CTNNA3: variants seen among roughly 807,000 people sequenced by gnomAD.
CTNNA3 encodes the protein catenin alpha-3.
In CTNNA3, 76 loss-of-function variants were observed where a neutral mutation model predicts 95.7. The ratio of observed to expected loss-of-function variants is 0.79; its 90% CI spans 0.66 to 0.96. The LOEUF is 0.96. Among genes scored for constraint, CTNNA3 ranks in the 40% least tolerant of loss-of-function variants. CTNNA3 has a pLI of 0.00. For missense variants in CTNNA3, 1,191 were observed against 1,089.8 expected (o/e 1.09, Z -1.31); for synonymous variants, 431 against 374.4 (o/e 1.15, Z -1.74).
chr10:66,674,955 C>T (rs540486225), intron 9 of CTNNA3, among the ~76,000 whole-genome samples: 4 of 152,060 alleles, frequency 2.6e-5, no homozygotes, highest in Non-Finnish European at 5.9e-5. Flanking sequence ...TTTAGAATGC[C>T]GATGACACCA....
At position 67,757,224 on chromosome 10, in the gene CTNNA3, T is replaced by G. The variant is rs1841438035; in HGVS notation, c.-2+6210A>C. On this transcript the variant is annotated intron_variant, in intron 1 of 17. Transcript: ENST00000684154. ...CAAACTATCCCTAAACATGGCAGCTTTAAACAATAAATATTTAGCAAATAT... is the reference window on the plus strand; with the variant it reads ...CAAACTATCCCTAAACATGGCAGCTGTAAACAATAAATATTTAGCAAATAT... 2.6e-5 allele frequency among the ~76,000 whole-genome samples: 4 copies of G among 152,346 alleles called. No homozygotes were observed. In the South Asian group the frequency reaches 8.3e-4, roughly 32 times the overall value.
chr10:66,465,016 A>G (rs1351123813), intron 11 of CTNNA3, among the ~76,000 whole-genome samples: 2 of 152,176 alleles, frequency 1.3e-5, no homozygotes, highest in Non-Finnish European at 2.9e-5. Context: ...GAGTAAATGA[A>G]ATAGGGTGCG....
At chr10:65,932,834 T>G (rs926305132) in intron 17 of CTNNA3, among the ~76,000 whole-genome samples, 1 of 152,108 alleles carries the variant, frequency 6.6e-6, no homozygotes, top group African/African-American at 2.4e-5. Context: ...CCCCACTTGG[T>G]TTTTCTGAAT....
chr10:67,530,299 G>A (rs1410470911), intron 4 of CTNNA3, among the ~76,000 whole-genome samples: 1 of 152,254 alleles, frequency 6.6e-6, no homozygotes, highest in African/African-American at 2.4e-5. Context: ...GAAAATGTGG[G>A]AAGGTCTGGA....
chr10:67,640,059 A>T (rs1456751613), intron 2 of CTNNA3, among the ~76,000 whole-genome samples: 2 of 152,256 alleles, frequency 1.3e-5, no homozygotes, highest in African/African-American at 4.8e-5. Flanking sequence ...ACAGGAAGTC[A>T]AACTGTCCCT....
At chr10:66,175,258 T>A (rs1354497766) in intron 13 of CTNNA3, among the ~76,000 whole-genome samples, 1 of 152,046 alleles carries the variant, frequency 6.6e-6, no homozygotes, top group Non-Finnish European at 1.5e-5. Context: ...TCCTTCTAGA[T>A]CTTGCAAGGA....
intron 5 of CTNNA3, among the ~76,000 whole-genome samples, chr10:67,343,001 A>T (rs1250403540): frequency 1.3e-5 from 2 of 152,062 alleles, no homozygotes; most frequent in East Asian, 3.9e-4. Context: ...CACCCAGGCT[A>T]GAGTACAGTG....
At chr10:67,070,016 C>T (rs1462235989) in intron 7 of CTNNA3, among the ~76,000 whole-genome samples, 1 of 152,200 alleles carries the variant, frequency 6.6e-6, no homozygotes, top group African/African-American at 2.4e-5. Context: ...CACCCACTAG[C>T]AGACCATGAG....
intron 7 of CTNNA3, among the ~76,000 whole-genome samples, chr10:66,908,975 T>G (rs1224133835): frequency 6.6e-6 from 1 of 152,214 alleles, no homozygotes; most frequent in African/African-American, 2.4e-5. Context: ...GTCATTTAAA[T>G]GAGGCTTCTT....
intron 5 of CTNNA3, among the ~76,000 whole-genome samples, chr10:67,255,822 A>G (rs1866327383): frequency 6.6e-6 from 1 of 152,160 alleles, no homozygotes; most frequent in South Asian, 2.1e-4. Context: ...TATTGTGCTC[A>G]TTACATAAAT....
Position 66,112,781 on chromosome 10 carries a change from TGTC to T in CTNNA3, c.1885-9535_1885-9533del, listed in dbSNP as rs1353161422. On this transcript the variant is annotated intron_variant, in intron 13 of 17. Transcript: ENST00000433211. ...GAATAATGTCCCCAAGGTTCACACT[TGTC>T]GTTGCATATGACTGATCTCCTTTTT... 4.0e-5 allele frequency among the ~76,000 whole-genome samples: 6 copies of T among 151,600 alleles called. No individual in the cohort carries two copies. The East Asian group carries it at 9.6e-4, about 24-fold the overall frequency.
intron 13 of CTNNA3, among the ~76,000 whole-genome samples, chr10:66,229,040 G>A (rs2089458725): frequency 6.6e-6 from 1 of 152,084 alleles, no homozygotes; most frequent in Admixed American, 6.5e-5. Flanking sequence ...GGTAAAGTGA[G>A]CTTCTTGTAT....
chr10:66,519,731 G>A (rs1361906241), intron 11 of CTNNA3, among the ~76,000 whole-genome samples: 1 of 152,068 alleles, frequency 6.6e-6, no homozygotes, highest in Admixed American at 6.6e-5. Flanking sequence ...TATGTTGATT[G>A]ATGTCTCATG....
chr10:66,982,077 T>C (rs942788), intron 7 of CTNNA3, among the ~76,000 whole-genome samples: 128,574 of 152,150 alleles, frequency 0.85, 54,659 homozygotes, highest in East Asian at 1. Context: ...ATTAGATAGA[T>C]GAGAATTCCA....
At chr10:66,713,560 A>G (rs1366772367) in intron 9 of CTNNA3, among the ~76,000 whole-genome samples, 1 of 152,084 alleles carries the variant, frequency 6.6e-6, no homozygotes, top group Non-Finnish European at 1.5e-5. Flanking sequence ...CTACTAATAG[A>G]TTATATCCTG....
intron 12 of CTNNA3, among the ~76,000 whole-genome samples, chr10:66,301,597 C>A (rs1281848230): frequency 1.3e-5 from 2 of 151,792 alleles, no homozygotes; most frequent in African/African-American, 4.8e-5. Flanking sequence ...TATAATCCAT[C>A]ATATCATTAG....
rs980849902 is a variant in CTNNA3 at position 66,652,654 on chromosome 10, C to G, written c.1282-30870G>C. ...ACTAATTTCATGAGGTTAGCATTAC[C>G]ACCATACCAAATCCATAAAAGGACA... On this transcript the variant is annotated intron_variant, in intron 9 of 17. Transcript: ENST00000433211. Among the ~76,000 whole-genome samples, 16 of 152,060 alleles carry G rather than the reference C, an allele frequency of 1.1e-4. 1 individual carries two copies. The highest frequency in any genetic ancestry group is 4.1e-4 in the South Asian group (2 of 4,820).
At chr10:66,689,702 T>C (rs1488817380) in intron 9 of CTNNA3, among the ~76,000 whole-genome samples, 2 of 152,154 alleles carry the variant, frequency 1.3e-5, no homozygotes, top group South Asian at 2.1e-4. Flanking sequence ...AGGAGTCCAA[T>C]AATCTTCTAA....
intron 3 of CTNNA3, among the ~76,000 whole-genome samples, chr10:67,599,510 G>A (rs1050017091): frequency 6.6e-6 from 1 of 152,008 alleles, no homozygotes; most frequent in Non-Finnish European, 1.5e-5. Flanking sequence ...TGGATGAATA[G>A]ATAGGACATT....
Sources: gnomAD v4.1 joint callset for allele counts (sites outside exome capture counted in the v4.1 genomes callset) on GRCh38, gnomAD v4.1.1 for gene constraint, MANE v1.5 for transcripts, NCBI Gene and HGNC (gene_info 2026-07-23, HGNC 2026-07-21) for gene names.